Variants in TACC1 observed in about 807,000 individuals in gnomAD.
The protein encoded by TACC1 is transforming acidic coiled-coil containing protein 1.
TACC1 carries 48 observed loss-of-function variants against 84.4 expected under a neutral mutation model. That is an observed-to-expected ratio of 0.57 (90% CI 0.45 to 0.72). TACC1 has a LOEUF of 0.72. TACC1 is among the 30% of genes least tolerant of loss of function. The pLI is 0.00. For synonymous variants in TACC1, 372 were observed against 376.3 expected, an observed-to-expected ratio of 0.99 and a Z score of 0.13; for missense variants, 920 against 973.0, an observed-to-expected ratio of 0.95 and a Z score of 0.72.
At chr8:38,843,498 G>A (rs912406345) in intron 11 of TACC1, 103 bp downstream of exon 11, 4 of 763,594 alleles carry the variant, frequency 5.2e-6, no homozygotes, top group South Asian at 4.9e-5. Flanking sequence ...GTATTTTTAT[G>A]TGTGTGTTTA....
chr8:38,825,175 C>A, intron 3 of TACC1, 133 bp from the exon 4 acceptor site: 1 of 896,858 alleles, frequency 1.1e-6, no homozygotes, highest in Non-Finnish European at 1.8e-6. Context: ...CTCTCTCCTG[C>A]GGCGATGTAT....
chr8:38,734,486 C>T (rs551255099), intron 1 of TACC1, among the ~76,000 whole-genome samples: 5 of 152,232 alleles, frequency 3.3e-5, no homozygotes, highest in South Asian at 2.1e-4. Context: ...ATGAGCCACA[C>T]GCCTGGCCAT....
chr8:38,781,384 CTTT>C (rs34962713), intron 3 of TACC1, among the ~76,000 whole-genome samples: 8 of 142,080 alleles, frequency 5.6e-5, no homozygotes, highest in Admixed American at 2.1e-4. Context: ...AAATATTCTT[CTTT>C]TTTTTTTTTT....
chr8:38,804,665 C>A (rs1034306661), intron 2 of TACC1, among the ~76,000 whole-genome samples: 1 of 152,190 alleles, frequency 6.6e-6, no homozygotes, highest in African/African-American at 2.4e-5. Context: ...TGCAGTGGCA[C>A]TATCACAGCT....
In TACC1 at chr8:38,765,364, ACC is replaced by A. The variant is rs1309305303; in HGVS notation, c.26+19872_26+19873del. Among the ~76,000 whole-genome samples, 62 of 152,220 alleles carry A rather than the reference ACC, an allele frequency of 4.1e-4. No individual in the cohort carries two copies. The East Asian group carries it at 9.8e-3, about 24-fold the overall frequency. On this transcript the variant is annotated intron_variant, in intron 3 of 14. Transcript: ENST00000518415. ...TGTGCTAATTATCTTATGGAAAATA[ACC>A]TTTTTCTTGCCTTTTTCTCCCAAGA...
chr8:38,750,070 G>T (rs1373720900), intron 3 of TACC1, among the ~76,000 whole-genome samples: 1 of 152,148 alleles, frequency 6.6e-6, no homozygotes, highest in Non-Finnish European at 1.5e-5. Context: ...CCACTCAGGA[G>T]ACTGAGGCAG....
chr8:38,742,339 A>T, intron 1 of TACC1: 5 of 1,275,296 alleles, frequency 3.9e-6, no homozygotes, highest in Non-Finnish European at 5.3e-6. Context: ...ACCTGACTTA[A>T]TTCTCTTCCA....
At position 38,849,425 on chromosome 8, in the gene TACC1, G is replaced by A. The variant is rs150930450; in HGVS notation, c.*1402G>A. 25 of 152,310 alleles carry A rather than the reference G, an allele frequency of 1.6e-4. No homozygotes were observed. The highest frequency in any genetic ancestry group is 6.0e-4 in the African/African-American group (25 of 41,556). 9.4% of individuals were successfully genotyped at this position (152,310 alleles called of 1,614,324 possible). On this transcript the variant is annotated 3_prime_UTR_variant, in exon 13 of 13. Transcript: ENST00000317827. The stretch of plus-strand genomic sequence containing the variant: ...AATAGGCAAACCCAAATCCATGCAA[G>A]TGTTTTAAAGCACTGTCCTGTCTTA...
intron 3 of TACC1, chr8:38,745,499 G>T (rs775872734): frequency 8.7e-6 from 6 of 686,490 alleles, no homozygotes; most frequent in African/African-American, 5.4e-5. Context: ...AAAAGGCAAG[G>T]GTTTTAATTT....
chr8:38,836,436 CT>C lies in TACC1; in HGVS notation c.1839+150del, dbSNP rs1485508307. ...CTTGTTTAGGTCGTAAAAGGGCCCC[CT>C]GTGGCAGTGGTGCTGGAGTCCTGAC... On this transcript the variant is annotated intron_variant, in intron 7 of 12. Coordinates refer to ENST00000317827, the MANE Select transcript of TACC1 (RefSeq NM_006283.3). 4.7e-6 allele frequency: 5 copies of C among 1,052,710 alleles called. No individual in the cohort carries two copies. The African/African-American group carries it at 7.9e-5, about 17-fold the overall frequency. The allele number at this position is 1,052,710 out of a possible 1,614,324, so 65.2% of individuals were successfully genotyped here. A position where few individuals can be genotyped will look rare whatever the true frequency, so the allele number is the denominator to read the frequency against.
At chr8:38,752,627 T>C (rs541011569) in intron 3 of TACC1, among the ~76,000 whole-genome samples, 2 of 152,290 alleles carry the variant, frequency 1.3e-5, no homozygotes, top group African/African-American at 4.8e-5. Context: ...CCATGTGTCC[T>C]CTTTGGCTCC....
intron 1 of TACC1, among the ~76,000 whole-genome samples, chr8:38,729,034 C>T (rs1804388912): frequency 6.6e-6 from 1 of 151,320 alleles, no homozygotes; most frequent in South Asian, 2.1e-4. Context: ...TTTTTCTTTC[C>T]GCCCCTGAAA....
In TACC1 at chr8:38,838,466, C is replaced by G; in HGVS notation, c.1840-4C>G. 6.2e-7 allele frequency: 1 copy of G among 1,609,068 alleles called. No individual in the cohort carries two copies. The highest frequency in any genetic ancestry group is 8.5e-7 in the Non-Finnish European group (1 of 1,175,618). On this transcript the variant is annotated splice_polypyrimidine_tract_variant and splice_region_variant and intron_variant, in intron 7 of 12. Coordinates refer to ENST00000317827, the MANE Select transcript of TACC1 (RefSeq NM_006283.3). The stretch of plus-strand genomic sequence containing the variant: ...GGGTAAAACTAAGCTTTATTGTACT[C>G]TAGATAATTACTAAAGAGATTGAAG...
intron 3 of TACC1, among the ~76,000 whole-genome samples, chr8:38,780,588 A>T (rs534459098): frequency 6.6e-6 from 1 of 150,756 alleles, no homozygotes. Flanking sequence ...GTCTTGTAGG[A>T]CTAGTCTATT....
At chr8:38,824,124 T>C in intron 3 of TACC1, 1 of 990,272 alleles carries the variant, frequency 1.0e-6, no homozygotes, top group Non-Finnish European at 1.4e-6. Context: ...CTTCTAATTC[T>C]GAGTTTGATC....
At chr8:38,731,248 A>G (rs960099151) in intron 1 of TACC1, among the ~76,000 whole-genome samples, 18 of 152,246 alleles carry the variant, frequency 1.2e-4, no homozygotes, top group African/African-American at 3.9e-4. Flanking sequence ...CGAGGTGGTA[A>G]GGTTCAATGG....
At chr8:38,730,960 C>T (rs1804812127) in intron 1 of TACC1, among the ~76,000 whole-genome samples, 1 of 152,108 alleles carries the variant, frequency 6.6e-6, no homozygotes, top group South Asian at 2.1e-4. Context: ...CTTGCTGTGT[C>T]ATCCAGGCTG....
At chr8:38,741,577 GTCTGCTTTGTCATT>G (rs1195495513) in intron 1 of TACC1, among the ~76,000 whole-genome samples, 1 of 152,082 alleles carries the variant, frequency 6.6e-6, no homozygotes, top group African/African-American at 2.4e-5. Context: ...TGGTTTTTCT[GTCTGCTTTGTCATT>G]TCTCAGTGGA....
intron 3 of TACC1, among the ~76,000 whole-genome samples, chr8:38,769,831 G>A (rs546967077): frequency 2.2e-4 from 33 of 149,296 alleles, no homozygotes; most frequent in Non-Finnish European, 4.0e-4. Context: ...ATGTATGTGA[G>A]GCTGTATGGG....
Sources: gnomAD v4.1 joint callset for allele counts (sites outside exome capture counted in the v4.1 genomes callset) on GRCh38, gnomAD v4.1.1 for gene constraint, MANE v1.5 for transcripts, NCBI Gene and HGNC (gene_info 2026-07-23, HGNC 2026-07-21) for gene names.